ALG12: variants seen among roughly 807,000 people sequenced by gnomAD.
ALG12 encodes the protein dol-P-Man:Man(7)GlcNAc(2)-PP-Dol alpha-1,6-mannosyltransferase.
A neutral mutation model predicts 46.0 loss-of-function variants in ALG12; 36 were observed. The ratio of observed to expected loss-of-function variants is 0.78; its 90% CI spans 0.60 to 1.03. The LOEUF (loss-of-function observed/expected upper bound fraction) is 1.03. Ranked by LOEUF, ALG12 falls within the 50% of genes least tolerant of loss-of-function variation. ALG12 has a pLI of 0.00. For missense variants in ALG12, 599 were observed against 633.5 expected (o/e 0.95, Z 0.58); for synonymous variants, 326 against 291.6 (o/e 1.12, Z -1.20).
the ALG12 span, among the ~76,000 whole-genome samples, chr22:49,860,388 TTAA>T: frequency 1.3e-5 from 2 of 152,242 alleles, no homozygotes; most frequent in Admixed American, 6.5e-5. Flanking sequence ...CTGAAAAATC[TTAA>T]TAATATCATT....
chr22:49,878,842 A>T, the ALG12 span, among the ~76,000 whole-genome samples: 1 of 151,774 alleles, frequency 6.6e-6, no homozygotes, highest in African/African-American at 2.4e-5. Context: ...TACTAAAAAT[A>T]AAAAAAATGA....
At chr22:49,865,734 C>T in the ALG12 span, among the ~76,000 whole-genome samples, 111 of 152,188 alleles carry the variant, frequency 7.3e-4, 2 homozygotes, top group South Asian at 2.1e-3. Context: ...GTTTGCTCTC[C>T]GGTAGATCTC....
In ALG12 at chr22:49,906,530, G is replaced by A. The variant is rs1024649459; in HGVS notation, c.992+1191C>T. 3.9e-5 allele frequency among the ~76,000 whole-genome samples: 6 copies of A among 152,096 alleles called. No individual in the cohort carries two copies. The highest frequency in any genetic ancestry group is 2.0e-4 in the Admixed American group (3 of 15,280). The stretch of plus-strand genomic sequence containing the variant: ...GAGCTCCCAGGCCCGAGGGCAGTGC[G>A]GGGCAGTCGGAGCTGGGGGGCACCA... On this transcript the variant is annotated intron_variant, in intron 7 of 9. Coordinates refer to ENST00000330817, the MANE Select transcript of ALG12 (RefSeq NM_024105.4). This position sits in a 1 kb window ranked among gnomAD's most constrained non-coding sequence, Gnocchi z 4.4.
chr22:49,894,123 C>T, the ALG12 span, among the ~76,000 whole-genome samples: 2 of 152,160 alleles, frequency 1.3e-5, no homozygotes, highest in Non-Finnish European at 2.9e-5. Context: ...CGAGATGGCA[C>T]CACTGCATTC....
chr22:49,899,744 T>G (rs2060496277), downstream of ALG12, among the ~76,000 whole-genome samples: 1 of 151,946 alleles, frequency 6.6e-6, no homozygotes, highest in Non-Finnish European at 1.5e-5. Flanking sequence ...TACAAAATAT[T>G]GGAAATAACC....
At position 49,910,430 on chromosome 22, in the gene ALG12, G is replaced by A. The variant is rs555319649; in HGVS notation, c.469+4C>T. ...GTGTGCAGGCCCGGCCGGCAGCTAC[G>A]TACCTACAGGCAGGGCCAGCACATT... On this transcript the variant is annotated splice_donor_region_variant and intron_variant, in intron 4 of 9. Transcript: ENST00000330817. 76 of 1,613,150 alleles carry A rather than the reference G, an allele frequency of 4.7e-5. No homozygotes were observed. Among genetic ancestry groups the A allele is most frequent in the Non-Finnish European group, 6.1e-5 (72 of 1,179,852 alleles).
chr22:49,910,164 G>A, intron 4 of ALG12, 76 bp from the exon 5 acceptor site: 7 of 1,328,696 alleles, frequency 5.3e-6, no homozygotes, highest in Admixed American at 2.2e-5. Flanking sequence ...GGAAGTGAAG[G>A]GTGATTCCTT....
At chr22:49,865,385 C>T in the ALG12 span, among the ~76,000 whole-genome samples, 1 of 152,078 alleles carries the variant, frequency 6.6e-6, no homozygotes, top group Non-Finnish European at 1.5e-5. Context: ...CGCAGTGGCT[C>T]ACGCCTCTAA....
the ALG12 span, among the ~76,000 whole-genome samples, chr22:49,868,838 G>T: frequency 1.7e-4 from 26 of 151,846 alleles, no homozygotes; most frequent in Admixed American, 4.6e-4. Flanking sequence ...CAGGCCGGGC[G>T]CAATGGCTCA....
chr22:49,891,050 C>A, the ALG12 span, among the ~76,000 whole-genome samples: 2 of 151,526 alleles, frequency 1.3e-5, no homozygotes, highest in Non-Finnish European at 2.9e-5. Flanking sequence ...AAAAAATGTT[C>A]TTTGGCCCTC....
chr22:49,863,558 C>T, the ALG12 span, among the ~76,000 whole-genome samples: 6 of 149,782 alleles, frequency 4.0e-5, no homozygotes, highest in East Asian at 5.9e-4. Context: ...ACCGGGGAGG[C>T]GGAGGTTGCG....
chr22:49,869,518 G>A, the ALG12 span, among the ~76,000 whole-genome samples: 1 of 152,154 alleles, frequency 6.6e-6, no homozygotes, highest in Non-Finnish European at 1.5e-5. Context: ...TTATTCCTCA[G>A]GGAATATTTG....
At chr22:49,864,359 C>A in the ALG12 span, among the ~76,000 whole-genome samples, 1 of 152,264 alleles carries the variant, frequency 6.6e-6, no homozygotes. Flanking sequence ...CCACCTATAT[C>A]ATTACTGAAA....
chr22:49,878,079 C>T, the ALG12 span, among the ~76,000 whole-genome samples: 6 of 151,874 alleles, frequency 4.0e-5, no homozygotes, highest in Non-Finnish European at 8.8e-5. Context: ...CCGAGATGGG[C>T]GGATCACCTG....
Position 49,904,034 on chromosome 22 carries a change from G to T in ALG12, c.1271C>A (p.Thr424Lys), listed in dbSNP as rs749361076. 1.2e-6 allele frequency: 2 copies of T among 1,614,212 alleles called. No homozygotes were observed. Among genetic ancestry groups the T allele is most frequent in the Admixed American group, 1.7e-5 (1 of 60,032 alleles). Residue 424 changes from threonine to lysine, a missense_variant, in exon 10 of 10, where the codon ACA (threonine) becomes AAA (lysine). By Grantham distance (78) the Thr-to-Lys change is moderately conservative (BLOSUM62 -1). Coordinates refer to ENST00000330817, the MANE Select transcript of ALG12 (RefSeq NM_024105.4). ...GATGTGTGTGTATGCCAGCATGCCT[G>T]TCCCCGGCTGCACATCCTCCCTCTT... ...YDKREDVQPG[T>K]GMLAYTHILM...
Position 49,902,914 on chromosome 22 carries a change from GGT to G in ALG12, c.*922_*923del, listed in dbSNP as rs1416307028. 4 of 222,640 alleles carry G rather than the reference GGT, an allele frequency of 1.8e-5. No homozygotes were observed. Among genetic ancestry groups the G allele is most frequent in the African/African-American group, 1.0e-4 (4 of 38,274 alleles). 13.8% of individuals were successfully genotyped at this position (222,640 alleles called of 1,614,324 possible). A position where few individuals can be genotyped will look rare whatever the true frequency, so the allele number is the denominator to read the frequency against. On this transcript the variant is annotated 3_prime_UTR_variant, in exon 10 of 10. Transcript: ENST00000330817. Reference sequence around the variant, plus strand: ...TGCACTGTGTGTGGTGTGTATGCATGGTGTGTGCACGTGTGCACGGTGTGTGG... The same window carrying G: ...TGCACTGTGTGTGGTGTGTATGCATGGTGTGCACGTGTGCACGGTGTGTGG...
At chr22:49,898,429 G>A (rs948204351), downstream of ALG12, among the ~76,000 whole-genome samples, 4 of 149,548 alleles carry the variant, frequency 2.7e-5, no homozygotes, top group Non-Finnish European at 4.4e-5. Context: ...TTTGCTTGTC[G>A]CCCCGGCTGG....
Position 49,913,367 on chromosome 22 carries a change from T to C in ALG12, c.295+18A>G. ...CACAGTCCCTCACTCCCTCCTCCTT[T>C]GTTGAAGACCCCCTTACCTATTAGC... On this transcript the variant is annotated intron_variant, in intron 3 of 9. Coordinates refer to ENST00000330817, the MANE Select transcript of ALG12 (RefSeq NM_024105.4). The C allele has an allele frequency of 3.7e-6, 6 of 1,613,524 alleles. No individual in the cohort carries two copies. Among genetic ancestry groups the C allele is most frequent in the Non-Finnish European group, 3.4e-6 (4 of 1,180,018 alleles).
chr22:49,905,533 C>T lies in ALG12; in HGVS notation c.993-1027G>A, dbSNP rs867516178. Among the ~76,000 whole-genome samples, 1 of 152,294 alleles carries T rather than the reference C, an allele frequency of 6.6e-6. No individual in the cohort carries two copies. The highest frequency in any genetic ancestry group is 3.4e-3 in the Middle Eastern group (1 of 294). ...CTGTTCTCCTCATACCGAGTGAGTT[C>T]TCGAGAGGTCTGCTTGTTTGAAAAT... On this transcript the variant is annotated intron_variant, in intron 7 of 9. Coordinates refer to ENST00000330817, the MANE Select transcript of ALG12 (RefSeq NM_024105.4). The surrounding 1 kb of genome is among the most constrained non-coding windows in gnomAD (Gnocchi z 4.9).
Sources: gnomAD v4.1 joint callset for allele counts (sites outside exome capture counted in the v4.1 genomes callset) on GRCh38, gnomAD v4.1.1 for gene constraint, Gnocchi (gnomAD v3.1) non-coding constraint, MANE v1.5 for transcripts, NCBI Gene and HGNC (gene_info 2026-07-23, HGNC 2026-07-21) for gene names.